The following ZSWIM8 variants were observed in gnomAD, a reference collection of about 807,000 sequenced individuals.
ZSWIM8 encodes zinc finger SWIM domain-containing protein 8.
ZSWIM8 carries 27 observed loss-of-function variants against 173.7 expected under a neutral mutation model. The observed-to-expected ratio is 0.16, with a 90% CI of 0.11 to 0.21. The LOEUF is 0.21. Among genes scored for constraint, ZSWIM8 ranks in the 10% least tolerant of loss-of-function variants. The pLI, the probability that ZSWIM8 is intolerant of heterozygous loss-of-function variation, is 1.00. For synonymous variants in ZSWIM8, 958 were observed against 962.0 expected (o/e 1.00, Z 0.08); for missense variants, 1,627 against 2,428.8 (o/e 0.67, Z 6.94).
chr10:73,792,647 C>G lies in ZSWIM8; in HGVS notation c.2108C>G (p.Pro703Arg). 2 of 1,614,032 alleles carry G rather than the reference C, an allele frequency of 1.2e-6. No individual in the cohort carries two copies. Among genetic ancestry groups the G allele is most frequent in the Non-Finnish European group, 1.7e-6 (2 of 1,179,884 alleles). The change falls in exon 10 of 26, where the codon CCT becomes CGT. Residue 703 changes from proline (P) to arginine (R), a missense_variant. Pro to Arg is a moderately radical substitution (Grantham distance 103, BLOSUM62 -2). Transcript: ENST00000604729. The surrounding 1 kb of genome is among the most constrained non-coding windows in gnomAD (Gnocchi z 4.3). Reference sequence around the variant, plus strand: ...GATGTCTGTACCCAGGACGACCTCCCTTCTACAGATGAGAGTGGCAATGGG... The same window carrying G: ...GATGTCTGTACCCAGGACGACCTCCGTTCTACAGATGAGAGTGGCAATGGG... Reference protein sequence around the residue: ...PGDVCTQDDLPSTDESGNGLP... With the variant: ...PGDVCTQDDLRSTDESGNGLP...
chr10:73,785,638 C>T lies in ZSWIM8; in HGVS notation c.-241C>T, dbSNP rs1307935116. On this transcript the variant is annotated 5_prime_UTR_variant, in exon 1 of 26. Transcript: ENST00000604729. ...TAGAGGCCCCAGCCGCCGAGCGCTT[C>T]GTCCCGGCCCTAAGTCTCGGAGACT... The T allele has an allele frequency of 3.4e-6, 2 of 590,214 alleles. No individual in the cohort carries two copies. Among genetic ancestry groups the T allele is most frequent in the South Asian group, 1.6e-5 (1 of 63,604 alleles). 36.6% of individuals were successfully genotyped at this position (590,214 alleles called of 1,614,324 possible). A position where few individuals can be genotyped will look rare whatever the true frequency, so the allele number is the denominator to read the frequency against.
chr10:73,799,649 G>T (rs1268738958), intron 21 of ZSWIM8, 159 bp downstream of exon 21: 4 of 1,025,126 alleles, frequency 3.9e-6, no homozygotes, highest in Non-Finnish European at 5.7e-6. Flanking sequence ...AAGAAATGAC[G>T]GCCGGGCATG....
chr10:73,798,788 TG>T (rs2132792034), intron 20 of ZSWIM8, among the ~76,000 whole-genome samples: 1 of 152,344 alleles, frequency 6.6e-6, no homozygotes, highest in Admixed American at 6.5e-5. Flanking sequence ...AGTTTGGAAC[TG>T]GGACTATAAC....
chr10:73,796,562 G>T, intron 15 of ZSWIM8: 1 of 614,292 alleles, frequency 1.6e-6, no homozygotes. Context: ...ATTCTGCCCT[G>T]TGGTGTTAAT....
Position 73,800,889 on chromosome 10 carries a change from G to C in ZSWIM8, c.5123-128G>C. The C allele has an allele frequency of 8.4e-7, 1 of 1,195,712 alleles. No individual in the cohort carries two copies. The highest frequency in any genetic ancestry group is 1.2e-6 in the Non-Finnish European group (1 of 851,316). The allele number at this position is 1,195,712 out of a possible 1,614,324, so 74.1% of individuals were successfully genotyped here. A position where few individuals can be genotyped will look rare whatever the true frequency, so the allele number is the denominator to read the frequency against. ...GTCGGGTATGTGTGCGTGCGCGGGG[G>C]GCGGAGGGTTACCTCAGCTCCTGGG... On this transcript the variant is annotated intron_variant, in intron 24 of 25. Coordinates refer to ENST00000604729, the MANE Select transcript of ZSWIM8 (RefSeq NM_001367799.1). The surrounding 1 kb of genome is among the most constrained non-coding windows in gnomAD (Gnocchi z 4.1).
rs2083928614 is a variant in ZSWIM8, at chr10:73,800,962, G to A, written c.5123-55G>A. Reference sequence around the variant, plus strand: ...GCCAGAGCTGAGATCTGTAAGTTGGGTCCCTAGGGCAGAGGTGGCCACCCC... The same window carrying A: ...GCCAGAGCTGAGATCTGTAAGTTGGATCCCTAGGGCAGAGGTGGCCACCCC... On this transcript the variant is annotated intron_variant, in intron 24 of 25. Coordinates refer to ENST00000604729, the MANE Select transcript of ZSWIM8 (RefSeq NM_001367799.1). This position sits in a 1 kb window ranked among gnomAD's most constrained non-coding sequence, Gnocchi z 4.1. 1.3e-6 allele frequency: 2 copies of A among 1,484,722 alleles called. No individual in the cohort carries two copies. The highest frequency in any genetic ancestry group is 2.5e-5 in the South Asian group (2 of 78,458). The allele number at this position is 1,484,722 out of a possible 1,614,324, so 92.0% of individuals were successfully genotyped here.
Position 73,792,835 on chromosome 10 carries a change from C to A in ZSWIM8, c.2296C>A (p.Gln766Lys). ...GTTTGCTGGGCTGAAGCCACTGGAACAGGAGAGTCGCATGGAGGTGAGGGG... is the reference window on the plus strand; with the variant it reads ...GTTTGCTGGGCTGAAGCCACTGGAAAAGGAGAGTCGCATGGAGGTGAGGGG... ...DLFAGLKPLEQESRMEVLFAC... is the reference protein window; with the variant it reads ...DLFAGLKPLEKESRMEVLFAC... The change falls in exon 10 of 26, where the codon CAG (glutamine) becomes AAG (lysine). Residue 766 changes from glutamine to lysine, a missense_variant. By Grantham distance (53) the Gln-to-Lys change is moderately conservative (BLOSUM62 1). Around this residue, in one of 18 missense-constraint regions of ZSWIM8, gnomAD observed 383 missense variants for 394.8 expected, o/e 0.97. Coordinates refer to ENST00000604729, the MANE Select transcript of ZSWIM8 (RefSeq NM_001367799.1). This position sits in a 1 kb window ranked among gnomAD's most constrained non-coding sequence, Gnocchi z 4.3. The A allele has an allele frequency of 6.3e-7, 1 of 1,574,836 alleles. No individual in the cohort carries two copies. The highest frequency in any genetic ancestry group is 8.6e-7 in the Non-Finnish European group (1 of 1,164,710).
At chr10:73,790,611 G>A (rs1471085663) in intron 7 of ZSWIM8, among the ~76,000 whole-genome samples, 3 of 152,184 alleles carry the variant, frequency 2.0e-5, no homozygotes, top group Non-Finnish European at 4.4e-5. Context: ...CATTTTGGGA[G>A]GCTGACGTGG....
Position 73,790,235 on chromosome 10 carries a change from C to G in ZSWIM8, c.884C>G (p.Thr295Ser), listed in dbSNP as rs1408605693. 2 of 1,613,764 alleles carry G rather than the reference C, an allele frequency of 1.2e-6. No individual in the cohort carries two copies. Among genetic ancestry groups the G allele is most frequent in the Admixed American group, 1.7e-5 (1 of 59,978 alleles). The change falls in exon 7 of 26, where the codon ACT becomes AGT. Residue 295 changes from threonine (T) to serine (S), a missense_variant. This residue lies in a region of ZSWIM8 where 19 missense variants were observed against 21.1 expected (regional missense o/e 0.90). Transcript: ENST00000604729. Reference sequence around the variant, plus strand: ...TGGTATCTGGATGAATCGACACTCACTGACAACATCAAAAAGACACTGCAC... The same window carrying G: ...TGGTATCTGGATGAATCGACACTCAGTGACAACATCAAAAAGACACTGCAC... ...STWYLDESTL[T>S]DNIKKTLHKF...
chr10:73,788,304 T>G (rs907257960), intron 1 of ZSWIM8, among the ~76,000 whole-genome samples: 2 of 151,796 alleles, frequency 1.3e-5, no homozygotes, highest in Admixed American at 6.5e-5. Flanking sequence ...ACCATGTAAT[T>G]TGAATTTAAA....
Position 73,801,322 on chromosome 10 carries a change from C to A in ZSWIM8, c.5308C>A (p.His1770Asn). The A allele has an allele frequency of 6.2e-7, 1 of 1,613,818 alleles. No homozygotes were observed. Residue 1770 changes from histidine (H) to asparagine (N), a missense_variant, in exon 26 of 26, where the codon CAC becomes AAC. Coordinates refer to ENST00000604729, the MANE Select transcript of ZSWIM8 (RefSeq NM_001367799.1). This position sits in a 1 kb window ranked among gnomAD's most constrained non-coding sequence, Gnocchi z 4.9. ...RCQQAYMQYIHHRLIHLTPAD... is the reference protein window; with the variant it reads ...RCQQAYMQYINHRLIHLTPAD... ...TGCACACATCCTCCTCCAGTACATC[C>A]ACCACCGCTTGATTCACCTGACTCC...
rs778896673 is a variant in ZSWIM8, at chr10:73,797,104, C to T, written c.3275-9C>T. 5 of 1,613,278 alleles carry T rather than the reference C, an allele frequency of 3.1e-6. No homozygotes were observed. The highest frequency in any genetic ancestry group is 2.2e-5 in the East Asian group (1 of 44,880). On this transcript the variant is annotated splice_polypyrimidine_tract_variant and intron_variant, in intron 16 of 25. Coordinates refer to ENST00000604729, the MANE Select transcript of ZSWIM8 (RefSeq NM_001367799.1). The surrounding 1 kb of genome is among the most constrained non-coding windows in gnomAD (Gnocchi z 5.6). ...GGGCTCATCCCAGCGTCCTGTTTTC[C>T]TCACCTAGAGAGTTCCCCACATTCC...
intron 20 of ZSWIM8, 116 bp from the exon 21 acceptor site, chr10:73,798,886 C>T: frequency 7.2e-7 from 1 of 1,386,736 alleles, no homozygotes; most frequent in Non-Finnish European, 9.8e-7. Flanking sequence ...TTGACACTGA[C>T]CTCTGATGAT....
Position 73,801,470 on chromosome 10 carries a change from A to G in ZSWIM8, c.5456A>G (p.Lys1819Arg). ...LQNLKRSKQT[K>R]ELWQRVSLEM... ...AACCTCAAGCGCAGCAAACAGACCA[A>G]GGAGCTGTGGCAGCGGGTCTCACTC... Residue 1819 changes from lysine to arginine, a missense_variant, in exon 26 of 26, where the codon AAG becomes AGG. Physicochemically the swap from Lys to Arg is conservative, Grantham distance 26. Transcript: ENST00000604729. The surrounding 1 kb of genome is among the most constrained non-coding windows in gnomAD (Gnocchi z 4.9). The G allele has an allele frequency of 6.2e-7, 1 of 1,613,974 alleles. No homozygotes were observed. Among genetic ancestry groups the G allele is most frequent in the East Asian group, 2.2e-5 (1 of 44,872 alleles).
Position 73,793,595 on chromosome 10 carries a change from T to C in ZSWIM8, c.2321T>C (p.Phe774Ser), listed in dbSNP as rs764434838. ...CCCATGTCCTCCTTCCAGGTACTGT[T>C]TGCCTGTGCTGAGGCCCTGCATGCG... ...LEQESRMEVL[F>S]ACAEALHAHG... The change falls in exon 11 of 26, where the codon TTT becomes TCT. Residue 774 changes from phenylalanine (F) to serine (S), a missense_variant. Physicochemically the swap from Phe to Ser is radical, Grantham distance 155. This residue lies in a region of ZSWIM8 where 383 missense variants were observed against 394.8 expected (regional missense o/e 0.97). Coordinates refer to ENST00000604729, the MANE Select transcript of ZSWIM8 (RefSeq NM_001367799.1). 6.3e-7 allele frequency: 1 copy of C among 1,592,374 alleles called. No individual in the cohort carries two copies. The highest frequency in any genetic ancestry group is 1.1e-5 in the South Asian group (1 of 88,016).
Position 73,793,604 on chromosome 10 carries a change from C to G in ZSWIM8, c.2330C>G (p.Ala777Gly), listed in dbSNP as rs765554001. 3 of 1,601,964 alleles carry G rather than the reference C, an allele frequency of 1.9e-6. No individual in the cohort carries two copies. Among genetic ancestry groups the G allele is most frequent in the Non-Finnish European group, 2.6e-6 (3 of 1,173,962 alleles). The part of the protein sequence containing the change: ...ESRMEVLFAC[A>G]EALHAHGYSS... The stretch of plus-strand genomic sequence containing the variant: ...TCCTTCCAGGTACTGTTTGCCTGTG[C>G]TGAGGCCCTGCATGCGCATGGCTAT... The change falls in exon 11 of 26, where the codon GCT (alanine) becomes GGT (glycine). Residue 777 changes from alanine to glycine, a missense_variant. Around this residue, in one of 18 missense-constraint regions of ZSWIM8, gnomAD observed 383 missense variants for 394.8 expected, o/e 0.97. Coordinates refer to ENST00000604729, the MANE Select transcript of ZSWIM8 (RefSeq NM_001367799.1).
At position 73,800,138 on chromosome 10, in the gene ZSWIM8, A is replaced by T. The variant is rs1178830579; in HGVS notation, c.4793A>T (p.Glu1598Val). The T allele has an allele frequency of 6.2e-7, 1 of 1,613,684 alleles. No homozygotes were observed. Among genetic ancestry groups the T allele is most frequent in the South Asian group, 1.1e-5 (1 of 91,086 alleles). Residue 1598 changes from glutamate (E) to valine (V), a missense_variant, in exon 22 of 26, where the codon GAG becomes GTG. By Grantham distance (121) the Glu-to-Val change is moderately radical (BLOSUM62 -2). This residue lies in a region of ZSWIM8 where 275 missense variants were observed against 290.1 expected (regional missense o/e 0.95). Coordinates refer to ENST00000604729, the MANE Select transcript of ZSWIM8 (RefSeq NM_001367799.1). This position sits in a 1 kb window ranked among gnomAD's most constrained non-coding sequence, Gnocchi z 4.1. ...ATCACAGTACATCCCTACCACACAG[A>T]GCCAGGGCTTCCACTGCCCACCAGT... The part of the protein sequence containing the change: ...APITVHPYHT[E>V]PGLPLPTSVA...
intron 13 of ZSWIM8, 101 bp from the exon 14 acceptor site, chr10:73,794,440 C>T (rs1798795416): frequency 6.4e-7 from 1 of 1,556,030 alleles, no homozygotes; most frequent in Admixed American, 1.8e-5. Context: ...CATCAGGCAG[C>T]TTCATGGGTA....
Position 73,798,408 on chromosome 10 carries a change from G to A in ZSWIM8, c.4131G>A (p.Leu1377=). The change falls in exon 20 of 26, where the codon TTG becomes TTA. Residue 1377 remains leucine (L), a synonymous_variant. Coordinates refer to ENST00000604729, the MANE Select transcript of ZSWIM8 (RefSeq NM_001367799.1). ...ALSCLPHAHA[L]NPNEIQRALV... ...GCTGCCTGCCTCACGCCCATGCATTGAACCCTAATGAGATCCAGCGGGCCC... is the reference window on the plus strand; with the variant it reads ...GCTGCCTGCCTCACGCCCATGCATTAAACCCTAATGAGATCCAGCGGGCCC... 6.2e-7 allele frequency: 1 copy of A among 1,613,974 alleles called. No homozygotes were observed. The highest frequency in any genetic ancestry group is 8.5e-7 in the Non-Finnish European group (1 of 1,179,888).
Sources: gnomAD v4.1 joint callset for allele counts (sites outside exome capture counted in the v4.1 genomes callset) on GRCh38, gnomAD v4.1.1 for gene constraint, gnomAD v4.1.1 regional missense constraint, Gnocchi (gnomAD v3.1) non-coding constraint, MANE v1.5 for transcripts, NCBI Gene and HGNC (gene_info 2026-07-23, HGNC 2026-07-21) for gene names.